PCDH7: variants seen among roughly 807,000 people sequenced by gnomAD.
The protein encoded by PCDH7 is protocadherin 7.
A neutral mutation model predicts 58.9 loss-of-function variants in PCDH7; 17 were observed. The observed-to-expected ratio is 0.29, with a 90% CI of 0.20 to 0.43. The LOEUF is 0.43. Ranked by LOEUF, PCDH7 falls within the 20% of genes least tolerant of loss-of-function variation. The pLI is 1.00. For synonymous variants in PCDH7, 664 were observed against 616.4 expected (o/e 1.08, Z -1.14); for missense variants, 1,274 against 1,441.0 (o/e 0.88, Z 1.88).
At chr4:30,978,466 C>CT (rs1219595237) in intron 3 of PCDH7, among the ~76,000 whole-genome samples, 1 of 152,010 alleles carries the variant, frequency 6.6e-6, no homozygotes, top group African/African-American at 2.4e-5. Context: ...AGTAAACATG[C>CT]TTTTTTTAAT....
chr4:31,136,229 A>C (rs1719581091), intron 3 of PCDH7, among the ~76,000 whole-genome samples: 1 of 152,206 alleles, frequency 6.6e-6, no homozygotes, highest in Non-Finnish European at 1.5e-5. Context: ...CTATTTACTG[A>C]ACACCTACAC....
chr4:30,800,586 A>G (rs1450134107), intron 1 of PCDH7, among the ~76,000 whole-genome samples: 2 of 152,192 alleles, frequency 1.3e-5, no homozygotes, highest in Non-Finnish European at 2.9e-5. Flanking sequence ...CAAGACAGAG[A>G]TAGACAGGAA....
intron 1 of PCDH7, among the ~76,000 whole-genome samples, chr4:30,795,630 A>G (rs1389656715): frequency 6.6e-6 from 1 of 152,214 alleles, no homozygotes; most frequent in Non-Finnish European, 1.5e-5. Flanking sequence ...GGCTGGCATG[A>G]GAATTGCAAG....
At chr4:30,847,282 A>G (rs1732104358) in intron 1 of PCDH7, among the ~76,000 whole-genome samples, 1 of 152,160 alleles carries the variant, frequency 6.6e-6, no homozygotes, top group African/African-American at 2.4e-5. Flanking sequence ...CTGTAGCTCA[A>G]GGAATGTGTG....
At chr4:30,765,863 C>A (rs1296202981) in intron 1 of PCDH7, among the ~76,000 whole-genome samples, 3 of 152,090 alleles carry the variant, frequency 2.0e-5, no homozygotes, top group Admixed American at 1.3e-4. Flanking sequence ...CTTCCTCCCC[C>A]ACCTGTCATT....
intron 1 of PCDH7, among the ~76,000 whole-genome samples, chr4:30,798,762 C>T (rs375612608): frequency 6.6e-6 from 1 of 152,198 alleles, no homozygotes; most frequent in Admixed American, 6.5e-5. Flanking sequence ...CCATCACTAA[C>T]GAATCCATGG....
chr4:30,785,231 A>T (rs2109293223), intron 1 of PCDH7, among the ~76,000 whole-genome samples: 1 of 152,166 alleles, frequency 6.6e-6, no homozygotes, highest in East Asian at 1.9e-4. Context: ...CATTACTTTA[A>T]GGTAGTTTTA....
chr4:30,913,399 A>G (rs1742030278), intron 1 of PCDH7, among the ~76,000 whole-genome samples: 4 of 152,198 alleles, frequency 2.6e-5, no homozygotes, highest in African/African-American at 9.6e-5. Context: ...AGATTTAAAA[A>G]TATGGACTTT....
downstream of PCDH7, among the ~76,000 whole-genome samples, chr4:30,735,992 T>C (rs1235168873): frequency 6.6e-6 from 1 of 152,130 alleles, no homozygotes; most frequent in Non-Finnish European, 1.5e-5. Flanking sequence ...CTCATACTTA[T>C]GGGAGATAGA....
chr4:30,951,993 C>G (rs1429452756), intron 3 of PCDH7, among the ~76,000 whole-genome samples: 1 of 152,138 alleles, frequency 6.6e-6, no homozygotes, highest in Admixed American at 6.6e-5. Flanking sequence ...AGCCTTTTGT[C>G]TTCTTCTCCT....
At chr4:30,829,843 G>A (rs1242479108) in intron 1 of PCDH7, among the ~76,000 whole-genome samples, 1 of 152,010 alleles carries the variant, frequency 6.6e-6, no homozygotes, top group Non-Finnish European at 1.5e-5. Context: ...ATGGAGAGGA[G>A]TTGATGATAT....
At chr4:30,801,099 A>T (rs13127045) in intron 1 of PCDH7, among the ~76,000 whole-genome samples, 216 of 152,332 alleles carry the variant, frequency 1.4e-3, no homozygotes, top group Middle Eastern at 3.4e-3. Context: ...TTGGAGACAG[A>T]TCAAGAAGCA....
At chr4:30,864,884 G>T (rs1473009536) in intron 1 of PCDH7, among the ~76,000 whole-genome samples, 1 of 152,094 alleles carries the variant, frequency 6.6e-6, no homozygotes, top group Non-Finnish European at 1.5e-5. Context: ...ATAAAAAAAT[G>T]AAGGAGATAA....
chr4:30,942,764 C>G (rs1324184461), intron 2 of PCDH7, among the ~76,000 whole-genome samples: 3 of 151,998 alleles, frequency 2.0e-5, no homozygotes, highest in Non-Finnish European at 4.4e-5. Context: ...TATTTATTTA[C>G]ATATTCATTC....
At chr4:30,805,649 A>G (rs768425119) in intron 1 of PCDH7, among the ~76,000 whole-genome samples, 1 of 152,202 alleles carries the variant, frequency 6.6e-6, no homozygotes, top group Non-Finnish European at 1.5e-5. Context: ...GACTACTGAC[A>G]TCCAACCAGT....
At chr4:30,905,888 C>G (rs897235099) in intron 1 of PCDH7, among the ~76,000 whole-genome samples, 1 of 152,114 alleles carries the variant, frequency 6.6e-6, no homozygotes, top group African/African-American at 2.4e-5. Flanking sequence ...GATCTTGCAG[C>G]CTTTTACACA....
At chr4:30,837,557 A>G (rs964599194) in intron 1 of PCDH7, among the ~76,000 whole-genome samples, 9 of 152,006 alleles carry the variant, frequency 5.9e-5, no homozygotes, top group Non-Finnish European at 1.2e-4. Flanking sequence ...AAAATAGAGA[A>G]AAAAAAACGA....
intron 3 of PCDH7, among the ~76,000 whole-genome samples, chr4:30,966,958 C>T (rs1749052028): frequency 6.6e-6 from 1 of 152,012 alleles, no homozygotes. Flanking sequence ...TTCTCTATGC[C>T]TCAGTTTCCT....
rs187765884 is a variant in PCDH7 at position 30,902,755 on chromosome 4, G to A, written c.71-17398G>A. ...TAAGGAATAAAACCCTTTTATTTTA[G>A]ATATGGCTCACCAAGTCTTCAAATA... is the stretch of plus-strand genomic sequence containing the variant. On this transcript the variant is annotated intron_variant, in intron 1 of 3. Coordinates refer to the PCDH7 transcript ENST00000509759. 2.6e-3 allele frequency among the ~76,000 whole-genome samples: 399 copies of A among 152,194 alleles called. 1 individual carries two copies. The highest frequency in any genetic ancestry group is 9.0e-3 in the African/African-American group (372 of 41,544).
Sources: allele counts gnomAD v4.1 joint callset (sites outside exome capture counted in the v4.1 genomes callset), GRCh38; gene constraint gnomAD v4.1.1; transcripts MANE v1.5; gene names NCBI Gene and HGNC (gene_info 2026-07-23, HGNC 2026-07-21).